The following GLRB variants were observed in gnomAD, a reference collection of about 807,000 sequenced individuals.
GLRB encodes the protein glycine receptor subunit beta.
GLRB carries 33 observed loss-of-function variants against 54.2 expected under a neutral mutation model. The observed-to-expected ratio is 0.61, with a 90% CI of 0.46 to 0.81. The LOEUF is 0.81. GLRB is among the 40% of genes least tolerant of loss of function. The probability of loss-of-function intolerance (pLI) is 0.00; values close to 1 mark genes in which losing one functional copy is unlikely to be tolerated. For missense variants in GLRB, 572 were observed against 584.6 expected (o/e 0.98, Z 0.22); for synonymous variants, 209 against 208.2 (o/e 1.00, Z -0.03).
chr4:157,146,587 G>C (rs1255513274), intron 8 of GLRB, among the ~76,000 whole-genome samples: 1 of 152,088 alleles, frequency 6.6e-6, no homozygotes, highest in Non-Finnish European at 1.5e-5. Flanking sequence ...GGGAGGCAAA[G>C]GTGGGCAAAT....
chr4:157,132,213 G>A (rs1200273262), intron 4 of GLRB, among the ~76,000 whole-genome samples: 1 of 151,764 alleles, frequency 6.6e-6, no homozygotes, highest in African/African-American at 2.4e-5. Context: ...CTTTGGGGTA[G>A]TATCTGTTCA....
intron 9 of GLRB, among the ~76,000 whole-genome samples, chr4:157,159,434 T>G (rs1268784818): frequency 6.6e-6 from 1 of 152,062 alleles, no homozygotes; most frequent in African/African-American, 2.4e-5. Flanking sequence ...ATGCTTCCAG[T>G]TTTTGCCCAT....
rs142999538 is a variant in GLRB at position 157,111,171 on chromosome 4, A to G, written c.123-9385A>G. Reference sequence around the variant, plus strand: ...AAAAGCCAGTCCCTTGAGTAGCACCAGAAAAAGTTGGGATGGCAGACATGT... The same window carrying G: ...AAAAGCCAGTCCCTTGAGTAGCACCGGAAAAAGTTGGGATGGCAGACATGT... On this transcript the variant is annotated intron_variant, in intron 2 of 9. Coordinates refer to ENST00000264428, the MANE Select transcript of GLRB (RefSeq NM_000824.5). Among the ~76,000 whole-genome samples, 337 of 152,158 alleles carry G rather than the reference A, an allele frequency of 2.2e-3. 2 individuals carry two copies. Among genetic ancestry groups the G allele is most frequent in the African/African-American group, 7.8e-3 (325 of 41,544 alleles).
chr4:157,132,654 C>T (rs1020248367), intron 4 of GLRB, among the ~76,000 whole-genome samples: 1 of 151,854 alleles, frequency 6.6e-6, no homozygotes, highest in South Asian at 2.1e-4. Flanking sequence ...TTAATCATCA[C>T]TTCCTGAGGA....
At position 157,160,127 on chromosome 4, in the gene GLRB, G is replaced by A. The variant is rs552302964; in HGVS notation, c.1197+7117G>A. Among the ~76,000 whole-genome samples the A allele has an allele frequency of 1.5e-3, 232 of 152,234 alleles. 1 individual carries two copies. Among genetic ancestry groups the A allele is most frequent in the Non-Finnish European group, 2.8e-3 (188 of 68,022 alleles). On this transcript the variant is annotated intron_variant, in intron 9 of 9. Coordinates refer to ENST00000264428, the MANE Select transcript of GLRB (RefSeq NM_000824.5). The stretch of plus-strand genomic sequence containing the variant: ...TTTTCTAGTTTATTTGTGTAGAGGT[G>A]TTTATAGTATTCTCTGATGGTAGTT...
intron 3 of GLRB, among the ~76,000 whole-genome samples, chr4:157,121,427 T>C (rs1735814447): frequency 6.6e-6 from 1 of 151,040 alleles, no homozygotes; most frequent in African/African-American, 2.4e-5. Context: ...CAGGTATTAA[T>C]GTAGATCAGA....
chr4:157,096,285 AG>A (rs948115629), intron 2 of GLRB, among the ~76,000 whole-genome samples: 6 of 152,284 alleles, frequency 3.9e-5, no homozygotes, highest in African/African-American at 1.4e-4. Context: ...ATCTTACTTA[AG>A]GAAGTGCTAA....
At position 157,171,783 on chromosome 4, in the gene GLRB, G is replaced by A. The variant is rs1272938129; in HGVS notation, c.*1055G>A. 1 of 151,682 alleles carries A rather than the reference G, an allele frequency of 6.6e-6. No individual in the cohort carries two copies. Among genetic ancestry groups the A allele is most frequent in the African/African-American group, 2.4e-5 (1 of 41,368 alleles). The allele number at this position is 151,682 out of a possible 1,614,324, so 9.4% of individuals were successfully genotyped here. ...TAGAGATTAAATAAATAATAGCTTTGTTTGTGTTAGACTTCACTTCTACTT... is the reference window on the plus strand; with the variant it reads ...TAGAGATTAAATAAATAATAGCTTTATTTGTGTTAGACTTCACTTCTACTT... On this transcript the variant is annotated 3_prime_UTR_variant, in exon 10 of 10. Coordinates refer to ENST00000264428, the MANE Select transcript of GLRB (RefSeq NM_000824.5).
intron 4 of GLRB, among the ~76,000 whole-genome samples, chr4:157,125,887 G>T (rs115202926): frequency 0.038 from 5,847 of 152,054 alleles, 129 homozygotes; most frequent in Middle Eastern, 0.11. Flanking sequence ...GGTGGAGGTT[G>T]CAGTGAGCTG....
chr4:157,105,045 T>C (rs987441335), intron 2 of GLRB, among the ~76,000 whole-genome samples: 3 of 151,784 alleles, frequency 2.0e-5, no homozygotes, highest in African/African-American at 7.2e-5. Context: ...TTTCTTTTCC[T>C]GTTCTAGTCT....
chr4:157,146,350 G>A (rs1485715167), intron 8 of GLRB, among the ~76,000 whole-genome samples: 4 of 152,038 alleles, frequency 2.6e-5, no homozygotes, highest in Non-Finnish European at 5.9e-5. Flanking sequence ...ATACAAAGTC[G>A]CTAAAGGCTT....
chr4:157,119,603 A>G (rs889340780), intron 2 of GLRB, among the ~76,000 whole-genome samples: 3 of 151,662 alleles, frequency 2.0e-5, no homozygotes, highest in African/African-American at 7.2e-5. Context: ...TTGTTAAAAT[A>G]TATATATTTT....
chr4:157,164,049 T>C (rs1737620712), intron 9 of GLRB, among the ~76,000 whole-genome samples: 1 of 152,214 alleles, frequency 6.6e-6, no homozygotes, highest in Non-Finnish European at 1.5e-5. Context: ...ACTTTCATTG[T>C]TGTTGCTGTT....
intron 2 of GLRB, among the ~76,000 whole-genome samples, chr4:157,106,579 TTC>T (rs938894312): frequency 2.0e-5 from 3 of 151,816 alleles, no homozygotes; most frequent in East Asian, 1.9e-4. Flanking sequence ...GGTGAATTCT[TTC>T]TCTCTCTCTC....
Position 157,170,660 on chromosome 4 carries a change from T to C in GLRB, c.1426T>C (p.Tyr476His), listed in dbSNP as rs1737887330. 6.2e-7 allele frequency: 1 copy of C among 1,609,320 alleles called. No individual in the cohort carries two copies. Among genetic ancestry groups the C allele is most frequent in the South Asian group, 1.1e-5 (1 of 90,762 alleles). ...IPTAAKRIDL[Y>H]ARALFPFCFL... ...AACAGCAGCAAAGCGAATTGATCTTTATGCAAGAGCATTGTTTCCTTTCTG... is the reference window on the plus strand; with the variant it reads ...AACAGCAGCAAAGCGAATTGATCTTCATGCAAGAGCATTGTTTCCTTTCTG... Residue 476 changes from tyrosine to histidine, a missense_variant, in exon 10 of 10, where the codon TAT becomes CAT. Physicochemically the swap from Tyr to His is moderately conservative, Grantham distance 83. Transcript: ENST00000264428.
At chr4:157,138,668 T>G in intron 6 of GLRB, 141 bp from the exon 7 acceptor site, 1 of 594,408 alleles carries the variant, frequency 1.7e-6, no homozygotes, top group South Asian at 2.3e-5. Context: ...GGGTTTTACC[T>G]CTTTACATTT....
At chr4:157,131,414 C>A (rs1313882245) in intron 4 of GLRB, among the ~76,000 whole-genome samples, 2 of 151,736 alleles carry the variant, frequency 1.3e-5, no homozygotes, top group East Asian at 3.9e-4. Context: ...CATTTGTTAT[C>A]AAACATAATT....
intron 2 of GLRB, among the ~76,000 whole-genome samples, chr4:157,081,930 T>G (rs1179066651): frequency 6.6e-6 from 1 of 152,140 alleles, no homozygotes; most frequent in Non-Finnish European, 1.5e-5. Flanking sequence ...CCTCCAGCAG[T>G]ATCTTCCCCA....
intron 9 of GLRB, among the ~76,000 whole-genome samples, chr4:157,155,900 CTCTTT>C (rs1220185078): frequency 1.3e-5 from 2 of 151,820 alleles, no homozygotes; most frequent in Admixed American, 6.5e-5. Flanking sequence ...CCTCTCTCTT[CTCTTT>C]TCAAGACTGC....
Sources: allele counts gnomAD v4.1 joint callset (sites outside exome capture counted in the v4.1 genomes callset), GRCh38; gene constraint gnomAD v4.1.1; transcripts MANE v1.5; gene names NCBI Gene and HGNC (gene_info 2026-07-23, HGNC 2026-07-21).